Variants in COL23A1 observed in about 807,000 individuals in gnomAD.
COL23A1 encodes the protein collagen type XXIII alpha 1 chain.
Under a neutral mutation model 99.3 loss-of-function variants are expected in COL23A1, and 97 were observed. That is an observed-to-expected ratio of 0.98 (90% CI 0.83 to 1.16). The LOEUF (loss-of-function observed/expected upper bound fraction) is 1.16, where lower values mean the gene tolerates loss of function less well. COL23A1 is among the 50% of genes most tolerant of loss of function. The pLI, the probability that COL23A1 is intolerant of heterozygous loss-of-function variation, is 0.00. For synonymous variants in COL23A1, 320 were observed against 308.2 expected (o/e 1.04, Z -0.40); for missense variants, 762 against 757.4 (o/e 1.01, Z -0.07).
intron 5 of COL23A1, among the ~76,000 whole-genome samples, chr5:178,286,150 T>C (rs1309555866): frequency 6.6e-6 from 1 of 152,252 alleles, no homozygotes; most frequent in African/African-American, 2.4e-5. Context: ...AAGGCCATCA[T>C]GGGCTGTGAT....
chr5:178,244,282 C>G (rs1037841959), intron 25 of COL23A1, among the ~76,000 whole-genome samples: 1 of 152,146 alleles, frequency 6.6e-6, no homozygotes, highest in African/African-American at 2.4e-5. Flanking sequence ...AGCCACCGTG[C>G]CTGGCCGGTA....
chr5:178,417,716 G>T (rs1765390141), intron 2 of COL23A1, among the ~76,000 whole-genome samples: 1 of 152,136 alleles, frequency 6.6e-6, no homozygotes. Flanking sequence ...CCCTCACCTT[G>T]CTGCCCGCTT....
intron 2 of COL23A1, among the ~76,000 whole-genome samples, chr5:178,521,570 AACT>A (rs1759949435): frequency 6.9e-6 from 1 of 145,782 alleles, no homozygotes; most frequent in South Asian, 2.2e-4. Flanking sequence ...AAAAAAAAAA[AACT>A]ATTTAAAGCC....
intron 2 of COL23A1, among the ~76,000 whole-genome samples, chr5:178,514,810 T>C (rs749817582): frequency 6.6e-6 from 1 of 152,164 alleles, no homozygotes; most frequent in Non-Finnish European, 1.5e-5. Context: ...GAATCCCAAT[T>C]CTTCATAGGG....
At chr5:178,378,283 G>T (rs576523709) in intron 2 of COL23A1, 1 of 152,178 alleles carries the variant, frequency 6.6e-6, no homozygotes, top group Non-Finnish European at 1.5e-5. Context: ...ACAGAGCCCT[G>T]GGAAAATGCA....
At chr5:178,327,808 C>T (rs554028062) in intron 2 of COL23A1, among the ~76,000 whole-genome samples, 4 of 152,216 alleles carry the variant, frequency 2.6e-5, no homozygotes, top group African/African-American at 7.2e-5. Context: ...GACCTAGGTC[C>T]GACTATTTGG....
chr5:178,473,014 T>G (rs1756839195), intron 2 of COL23A1, among the ~76,000 whole-genome samples: 1 of 136,112 alleles, frequency 7.3e-6, no homozygotes, highest in South Asian at 2.4e-4. Flanking sequence ...TCCGAACTAC[T>G]CAGGAAGCTG....
At chr5:178,433,053 ATGG>A (rs1766350562) in intron 2 of COL23A1, among the ~76,000 whole-genome samples, 1 of 151,842 alleles carries the variant, frequency 6.6e-6, no homozygotes, top group African/African-American at 2.4e-5. Context: ...ACCAAATGCA[ATGG>A]TGTCTTTTCC....
chr5:178,552,159 G>A (rs960689729), intron 2 of COL23A1, among the ~76,000 whole-genome samples: 1 of 152,046 alleles, frequency 6.6e-6, no homozygotes, highest in African/African-American at 2.4e-5. Context: ...GTTTCCTCAG[G>A]GCTCATCCTA....
intron 25 of COL23A1, 148 bp from the exon 26 acceptor site, chr5:178,242,542 T>A: frequency 1.3e-6 from 1 of 754,690 alleles, no homozygotes; most frequent in Admixed American, 2.1e-5. Context: ...TAGCTGTAGG[T>A]GATACACTGC....
chr5:178,262,449 A>T (rs1477662060), intron 9 of COL23A1, among the ~76,000 whole-genome samples, 197 bp from the exon 10 acceptor site: 1 of 152,184 alleles, frequency 6.6e-6, no homozygotes, highest in Non-Finnish European at 1.5e-5. Context: ...GCCCGGTGTG[A>T]CAAGTAATGG....
intron 2 of COL23A1, among the ~76,000 whole-genome samples, chr5:178,331,134 C>T (rs1759994629): frequency 6.6e-6 from 1 of 152,182 alleles, no homozygotes; most frequent in African/African-American, 2.4e-5. Context: ...GTGACTGGCC[C>T]CAAGTTGCAA....
intron 2 of COL23A1, among the ~76,000 whole-genome samples, chr5:178,502,518 A>G (rs182842616): frequency 4.6e-4 from 70 of 152,314 alleles, no homozygotes; most frequent in African/African-American, 1.7e-3. Flanking sequence ...TGTCCTTAGT[A>G]ATCAGAGAAA....
At chr5:178,480,591 T>C (rs773287001) in intron 2 of COL23A1, among the ~76,000 whole-genome samples, 3 of 152,220 alleles carry the variant, frequency 2.0e-5, no homozygotes, top group Non-Finnish European at 4.4e-5. Flanking sequence ...CCTCCTGCTT[T>C]GCATGGCACG....
intron 2 of COL23A1, among the ~76,000 whole-genome samples, chr5:178,343,427 G>A (rs932984654): frequency 3.3e-5 from 5 of 152,288 alleles, no homozygotes; most frequent in Admixed American, 1.3e-4. Context: ...GGGACAAGCT[G>A]AAACCATAAA....
intron 2 of COL23A1, among the ~76,000 whole-genome samples, chr5:178,399,169 C>T (rs1198603124): frequency 6.6e-6 from 1 of 152,204 alleles, no homozygotes; most frequent in Admixed American, 6.5e-5. Flanking sequence ...AAATCACTGA[C>T]ATGGAGTGTG....
At chr5:178,402,863 T>C (rs985560893) in intron 2 of COL23A1, among the ~76,000 whole-genome samples, 28 of 152,014 alleles carry the variant, frequency 1.8e-4, no homozygotes, top group African/African-American at 6.8e-4. Context: ...AATTCAGAAA[T>C]AGAATTAAAA....
chr5:178,560,701 G>T lies in COL23A1; in HGVS notation c.342C>A (p.Ser114=). The T allele has an allele frequency of 6.2e-7, 1 of 1,613,152 alleles. No individual in the cohort carries two copies. Among genetic ancestry groups the T allele is most frequent in the African/African-American group, 1.3e-5 (1 of 74,914 alleles). The change falls in exon 2 of 29, where the codon TCC becomes TCA. Residue 114 remains serine (S), a synonymous_variant. Transcript: ENST00000390654. ...ACTTACCTGGGGGGCAGACACATTC[G>T]GATGGAGCTTCCCGAGCAGTCCGGA... The part of the protein sequence containing the change: ...AKIRTAREAP[S]ECVCPPGPPG...
chr5:178,488,667 T>G (rs905808265), intron 2 of COL23A1, among the ~76,000 whole-genome samples: 61 of 149,324 alleles, frequency 4.1e-4, no homozygotes, highest in African/African-American at 1.3e-3. Context: ...CACACATATA[T>G]GCCTATGACT....
Sources: gnomAD v4.1 joint callset for allele counts (sites outside exome capture counted in the v4.1 genomes callset) on GRCh38, gnomAD v4.1.1 for gene constraint, MANE v1.5 for transcripts, NCBI Gene and HGNC (gene_info 2026-07-23, HGNC 2026-07-21) for gene names.